Variants in C10orf67 observed in about 807,000 individuals in gnomAD.
C10orf67 encodes uncharacterized protein C10orf67, mitochondrial.
In C10orf67, 60 loss-of-function variants were observed where a neutral mutation model predicts 35.6. The observed-to-expected ratio is 1.68, with a 90% CI of 1.37 to 2.09. C10orf67 has a LOEUF of 2.09. C10orf67 is among the 30% of genes most tolerant of loss of function. C10orf67 has a pLI of 0.00. For synonymous variants in C10orf67, 167 were observed against 115.8 expected (o/e 1.44, Z -2.84); for missense variants, 474 against 330.2 (o/e 1.44, Z -3.38).
At chr10:23,303,198 C>A (rs187331883) in intron 5 of C10orf67, 106 bp downstream of exon 5, 237 of 408,208 alleles carry the variant, frequency 5.8e-4, no homozygotes, top group African/African-American at 4.4e-3. Flanking sequence ...GGGAGATGCC[C>A]AAAATGCAGC....
intron 12 of C10orf67, among the ~76,000 whole-genome samples, chr10:23,248,358 C>T (rs1429612987): frequency 6.6e-6 from 1 of 152,184 alleles, no homozygotes; most frequent in Non-Finnish European, 1.5e-5. Context: ...TAGGCAGTCG[C>T]ATCAGGCTTG....
At chr10:23,320,619 C>G in intron 4 of C10orf67, 122 bp downstream of exon 4, 1 of 684,256 alleles carries the variant, frequency 1.5e-6, no homozygotes. Flanking sequence ...ACCTGAAAAT[C>G]GAGGAAACAG....
At chr10:23,212,210 C>A (rs552397712) in intron 15 of C10orf67, among the ~76,000 whole-genome samples, 2 of 152,188 alleles carry the variant, frequency 1.3e-5, no homozygotes, top group Non-Finnish European at 2.9e-5. Context: ...AGCTAGGAGA[C>A]GGTCATGGGA....
intron 5 of C10orf67, among the ~76,000 whole-genome samples, chr10:23,292,794 A>G (rs1365209760): frequency 6.6e-6 from 1 of 151,776 alleles, no homozygotes; most frequent in African/African-American, 2.4e-5. Context: ...ACTAAGCTCA[A>G]TTACAAATCT....
At chr10:23,228,619 C>T (rs190198501) in intron 13 of C10orf67, among the ~76,000 whole-genome samples, 179 of 152,252 alleles carry the variant, frequency 1.2e-3, no homozygotes, top group African/African-American at 4.1e-3. Context: ...AGCTTCTGCA[C>T]AGCAAAAGAA....
At chr10:23,225,287 A>T (rs906687550) in intron 13 of C10orf67, among the ~76,000 whole-genome samples, 3 of 152,196 alleles carry the variant, frequency 2.0e-5, no homozygotes, top group Admixed American at 6.5e-5. Context: ...TAAGTGAAGG[A>T]GAAATAAAAT....
rs1842907155 is a variant in C10orf67 at position 23,267,268 on chromosome 10, G to C, written c.976-14C>G. On this transcript the variant is annotated splice_polypyrimidine_tract_variant and intron_variant, in intron 8 of 15. Coordinates refer to ENST00000636213, the MANE Select transcript of C10orf67 (RefSeq NM_001371909.1). ...CTGTTTATTAATCTGTAAAATTGAAGACCCATATCATTGGTTATTATCTGC... is the reference window on the plus strand; with the variant it reads ...CTGTTTATTAATCTGTAAAATTGAACACCCATATCATTGGTTATTATCTGC... The C allele has an allele frequency of 4.3e-6, 3 of 705,066 alleles. No homozygotes were observed. Among genetic ancestry groups the C allele is most frequent in the Non-Finnish European group, 7.9e-6 (3 of 381,564 alleles). The allele number at this position is 705,066 out of a possible 1,614,324, so 43.7% of individuals were successfully genotyped here.
intron 8 of C10orf67, 144 bp downstream of exon 8, chr10:23,281,869 A>G (rs917889937): frequency 2.5e-6 from 1 of 396,434 alleles, no homozygotes. Flanking sequence ...ACATATGTTT[A>G]TAATTTTACA....
chr10:23,282,027 A>G lies in C10orf67; in HGVS notation c.961T>C (p.Leu321=). The part of the protein sequence containing the change: ...LREELHYEKS[L]VQDVINKQKE... The stretch of plus-strand genomic sequence containing the variant: ...AATCATCTTACCACATCCTGAACTA[A>G]TGATTTTTCATAATGAAGCTCTTCT... Residue 321 remains leucine, a synonymous_variant, in exon 8 of 16, where the codon TTA becomes CTA. Coordinates refer to ENST00000636213, the MANE Select transcript of C10orf67 (RefSeq NM_001371909.1). 1 of 625,416 alleles carries G rather than the reference A, an allele frequency of 1.6e-6. No homozygotes were observed. The highest frequency in any genetic ancestry group is 2.0e-5 in the South Asian group (1 of 50,380). The allele number at this position is 625,416 out of a possible 1,614,324, so 38.7% of individuals were successfully genotyped here. A position where few individuals can be genotyped will look rare whatever the true frequency, so the allele number is the denominator to read the frequency against.
At chr10:23,344,178 G>C (rs1164269436) in intron 1 of C10orf67, 9 of 156,622 alleles carry the variant, frequency 5.7e-5, no homozygotes, top group African/African-American at 3.7e-4. Flanking sequence ...GGAGGGGAAG[G>C]GGGAAGGAGA....
chr10:23,289,214 A>T (rs1843639567), intron 7 of C10orf67, among the ~76,000 whole-genome samples: 1 of 152,142 alleles, frequency 6.6e-6, no homozygotes, highest in Admixed American at 6.6e-5. Flanking sequence ...TCTAGGCTGA[A>T]GTGCAGTGGT....
intron 15 of C10orf67, among the ~76,000 whole-genome samples, chr10:23,219,617 C>A (rs1315230822): frequency 6.6e-6 from 1 of 152,100 alleles, no homozygotes; most frequent in Admixed American, 6.6e-5. Context: ...CTTAGAGTAA[C>A]AAGGATTTAT....
intron 2 of C10orf67, among the ~76,000 whole-genome samples, chr10:23,328,875 C>T (rs1216779104): frequency 6.7e-6 from 1 of 150,176 alleles, no homozygotes; most frequent in African/African-American, 2.5e-5. Context: ...GTTCCAGCTA[C>T]TCAAGTGGCT....
chr10:23,341,304 T>C (rs1845873986), intron 1 of C10orf67, among the ~76,000 whole-genome samples: 1 of 152,222 alleles, frequency 6.6e-6, no homozygotes, highest in Non-Finnish European at 1.5e-5. Flanking sequence ...TGACATATAA[T>C]GACCAGAAGT....
chr10:23,236,253 GA>G (rs368833212), intron 13 of C10orf67, among the ~76,000 whole-genome samples: 1,263 of 75,696 alleles, frequency 0.017, 14 homozygotes, highest in East Asian at 0.023. Context: ...CCTCTCGGGG[GA>G]AAAAAAAAAA....
At chr10:23,342,953 A>T (rs1845963039) in intron 1 of C10orf67, among the ~76,000 whole-genome samples, 1 of 152,248 alleles carries the variant, frequency 6.6e-6, no homozygotes, top group African/African-American at 2.4e-5. Flanking sequence ...AAGTTCTCCC[A>T]TAGCAGCTAA....
intron 12 of C10orf67, among the ~76,000 whole-genome samples, chr10:23,246,914 C>T (rs1006492056): frequency 1.3e-5 from 2 of 152,100 alleles, no homozygotes; most frequent in African/African-American, 4.8e-5. Context: ...GCCTCAACCT[C>T]CTGGGCTCAA....
chr10:23,257,444 T>C (rs1445125212), intron 10 of C10orf67, among the ~76,000 whole-genome samples: 4 of 152,074 alleles, frequency 2.6e-5, no homozygotes, highest in Admixed American at 6.6e-5. Flanking sequence ...GGTAGAGTGG[T>C]AGTCAGAGAA....
chr10:23,298,114 G>T (rs532182395), intron 5 of C10orf67, among the ~76,000 whole-genome samples: 1 of 152,218 alleles, frequency 6.6e-6, no homozygotes, highest in Admixed American at 6.5e-5. Context: ...AATCAGCCAG[G>T]CGTGGTGGTG....
Sources: gnomAD v4.1 joint callset for allele counts (sites outside exome capture counted in the v4.1 genomes callset) on GRCh38, gnomAD v4.1.1 for gene constraint, MANE v1.5 for transcripts, NCBI Gene and HGNC (gene_info 2026-07-23, HGNC 2026-07-21) for gene names.